The following KDM4C variants were observed in gnomAD, a reference collection of about 807,000 sequenced individuals.
The protein encoded by KDM4C is lysine-specific demethylase 4C.
In KDM4C, 81 loss-of-function variants were observed where a neutral mutation model predicts 129.3. The ratio of observed to expected loss-of-function variants is 0.63; its 90% CI spans 0.52 to 0.75. The LOEUF (loss-of-function observed/expected upper bound fraction) is 0.75. Ranked by LOEUF, KDM4C falls within the 30% of genes least tolerant of loss-of-function variation. The probability of loss-of-function intolerance (pLI) is 0.00; values close to 1 mark genes in which losing one functional copy is unlikely to be tolerated. For missense variants in KDM4C, 1,457 were observed against 1,304.0 expected, an observed-to-expected ratio of 1.12 and a Z score of -1.81; for synonymous variants, 573 against 456.1, an observed-to-expected ratio of 1.26 and a Z score of -3.26.
intron 17 of KDM4C, chr9:7,076,461 C>T (rs1564086009): frequency 6.5e-6 from 10 of 1,547,240 alleles, no homozygotes; most frequent in Middle Eastern, 1.7e-4. Flanking sequence ...GACACAGCAA[C>T]AGTAACAACA....
chr9:6,911,036 TC>T (rs1819202889), intron 8 of KDM4C, among the ~76,000 whole-genome samples: 1 of 152,316 alleles, frequency 6.6e-6, no homozygotes, highest in Non-Finnish European at 1.5e-5. Flanking sequence ...AATTTTAGCG[TC>T]ATCTTTGCAG....
At chr9:6,836,075 G>C (rs1244862559) in intron 4 of KDM4C, among the ~76,000 whole-genome samples, 4 of 152,030 alleles carry the variant, frequency 2.6e-5, no homozygotes, top group African/African-American at 7.3e-5. Flanking sequence ...ATGTATGAAG[G>C]CTTTTGGTCT....
intron 9 of KDM4C, among the ~76,000 whole-genome samples, chr9:6,981,559 C>T (rs1203065523): frequency 6.6e-6 from 1 of 152,192 alleles, no homozygotes; most frequent in East Asian, 1.9e-4. Flanking sequence ...TATTTTACTA[C>T]ATTTTATGCA....
chr9:7,006,149 A>C (rs942921992), intron 12 of KDM4C, among the ~76,000 whole-genome samples: 1 of 152,228 alleles, frequency 6.6e-6, no homozygotes, highest in African/African-American at 2.4e-5. Flanking sequence ...AAGTTTTATT[A>C]ATCTGCAGGA....
chr9:7,148,158 C>T (rs1842390570), intron 19 of KDM4C, among the ~76,000 whole-genome samples: 1 of 152,226 alleles, frequency 6.6e-6, no homozygotes, highest in African/African-American at 2.4e-5. Context: ...TGGATATCAG[C>T]ATCCGGACAA....
In KDM4C at chr9:6,893,214, T is replaced by C; in HGVS notation, c.903T>C (p.Tyr301=). ...TNFATVRWID[Y]GKVAKLCTCR... ...TTGCTACTGTCAGATGGATTGACTATGGAAAAGTTGCCAAATTGGTAAGCT... is the reference window on the plus strand; with the variant it reads ...TTGCTACTGTCAGATGGATTGACTACGGAAAAGTTGCCAAATTGGTAAGCT... Residue 301 remains tyrosine (Y), a synonymous_variant, in exon 8 of 22, where the codon TAT becomes TAC. Transcript: ENST00000381309. 6.2e-7 allele frequency: 1 copy of C among 1,610,098 alleles called. No individual in the cohort carries two copies. Among genetic ancestry groups the C allele is most frequent in the South Asian group, 1.1e-5 (1 of 90,270 alleles).
chr9:6,778,593 C>T (rs534838325), intron 1 of KDM4C, among the ~76,000 whole-genome samples: 1 of 150,962 alleles, frequency 6.6e-6, no homozygotes, highest in African/African-American at 2.4e-5. Flanking sequence ...ATGGTGAAAC[C>T]CCGCCTCTAC....
chr9:7,095,234 A>C (rs1380889296), intron 17 of KDM4C, among the ~76,000 whole-genome samples: 1 of 152,238 alleles, frequency 6.6e-6, no homozygotes, highest in African/African-American at 2.4e-5. Context: ...GTGTTTCAGT[A>C]AACATACATG....
At chr9:6,899,781 C>T (rs1817088144) in intron 8 of KDM4C, among the ~76,000 whole-genome samples, 1 of 152,148 alleles carries the variant, frequency 6.6e-6, no homozygotes, top group South Asian at 2.1e-4. Context: ...GTATATATTG[C>T]TGAAGTCTGG....
chr9:6,868,423 G>A (rs892091013), intron 5 of KDM4C, among the ~76,000 whole-genome samples: 1 of 152,112 alleles, frequency 6.6e-6, no homozygotes, highest in African/African-American at 2.4e-5. Context: ...CGGTTAACTG[G>A]ATCACCGATT....
chr9:6,833,774 A>G (rs541028939), intron 4 of KDM4C, among the ~76,000 whole-genome samples: 182 of 152,286 alleles, frequency 1.2e-3, no homozygotes, highest in Non-Finnish European at 2.1e-3. Context: ...CCTTAACGAG[A>G]TAGTTATTCA....
At chr9:6,959,250 C>T (rs183936458) in intron 8 of KDM4C, among the ~76,000 whole-genome samples, 2 of 152,292 alleles carry the variant, frequency 1.3e-5, no homozygotes, top group East Asian at 1.9e-4. Flanking sequence ...ATGCTGGTCC[C>T]ACCATGTAGT....
chr9:6,911,966 G>C (rs2131089969), intron 8 of KDM4C, among the ~76,000 whole-genome samples: 1 of 152,270 alleles, frequency 6.6e-6, no homozygotes, highest in South Asian at 2.1e-4. Context: ...CAGGACTTGG[G>C]GCAGTTTGTG....
intron 2 of KDM4C, among the ~76,000 whole-genome samples, chr9:6,800,001 T>A (rs975390295): frequency 6.6e-5 from 10 of 151,994 alleles, no homozygotes. Flanking sequence ...GGTGGGAGGA[T>A]TGCTTGAGCC....
intron 4 of KDM4C, among the ~76,000 whole-genome samples, chr9:6,816,493 T>C (rs1832114182): frequency 6.6e-6 from 1 of 152,234 alleles, no homozygotes; most frequent in Non-Finnish European, 1.5e-5. Context: ...GTGTGGCCTG[T>C]TTCTGAATTT....
At chr9:7,023,539 C>T (rs1336141461) in intron 15 of KDM4C, among the ~76,000 whole-genome samples, 4 of 151,878 alleles carry the variant, frequency 2.6e-5, no homozygotes, top group Non-Finnish European at 5.9e-5. Flanking sequence ...TTTTTTCTTA[C>T]TCTGGGTAGA....
chr9:6,984,301 A>T lies in KDM4C; in HGVS notation c.1251A>T (p.Glu417Asp). The T allele has an allele frequency of 6.2e-7, 1 of 1,614,116 alleles. No homozygotes were observed. Reference protein sequence around the residue: ...TDDLKVSEKSEAAVKLRNTEA... With the variant: ...TDDLKVSEKSDAAVKLRNTEA... Reference sequence around the variant, plus strand: ...ACCTCAAGGTCAGTGAAAAGTCAGAAGCAGCAGTGAAGCTGAGGAACACAG... The same window carrying T: ...ACCTCAAGGTCAGTGAAAAGTCAGATGCAGCAGTGAAGCTGAGGAACACAG... The change falls in exon 10 of 22, where the codon GAA becomes GAT. Residue 417 changes from glutamate (E) to aspartate (D), a missense_variant. Physicochemically the swap from Glu to Asp is conservative, Grantham distance 45. Coordinates refer to ENST00000381309, the MANE Select transcript of KDM4C (RefSeq NM_015061.6).
In KDM4C at chr9:7,013,797, A is replaced by C. The variant is rs766958300; in HGVS notation, c.1978A>C (p.Ser660Arg). ...ACGTTATGTTTTTCAGCCAGATAGC[A>C]GCAATGAAGAAAATGATGCTAGATG... The part of the protein sequence containing the change: ...LLMPYHKPDS[S>R]NEENDARWET... Residue 660 changes from serine (S) to arginine (R), a missense_variant, in exon 14 of 22, where the codon AGC becomes CGC. Coordinates refer to ENST00000381309, the MANE Select transcript of KDM4C (RefSeq NM_015061.6). The C allele has an allele frequency of 1.6e-5, 26 of 1,613,824 alleles. No homozygotes were observed. The highest frequency in any genetic ancestry group is 1.9e-5 in the Non-Finnish European group (23 of 1,179,826).
At chr9:6,857,793 T>G (rs1454925454) in intron 5 of KDM4C, among the ~76,000 whole-genome samples, 1 of 151,568 alleles carries the variant, frequency 6.6e-6, no homozygotes, top group Non-Finnish European at 1.5e-5. Context: ...CTCGCTCTGT[T>G]GCTCAGATTG....
Sources: allele counts gnomAD v4.1 joint callset (sites outside exome capture counted in the v4.1 genomes callset), GRCh38; gene constraint gnomAD v4.1.1; transcripts MANE v1.5; gene names NCBI Gene and HGNC (gene_info 2026-07-23, HGNC 2026-07-21).